PXDNL: variants seen among roughly 807,000 people sequenced by gnomAD.
PXDNL encodes peroxidasin like, also known as probable oxidoreductase PXDNL.
Under a neutral mutation model 150.8 loss-of-function variants are expected in PXDNL, and 145 were observed. The observed-to-expected ratio is 0.96, with a 90% CI of 0.84 to 1.10. PXDNL has a LOEUF of 1.10. PXDNL is among the 50% of genes least tolerant of loss of function. The pLI, the probability that PXDNL is intolerant of heterozygous loss-of-function variation, is 0.00. For synonymous variants in PXDNL, 757 were observed against 725.7 expected, an observed-to-expected ratio of 1.04 and a Z score of -0.69; for missense variants, 2,087 against 1,873.9, an observed-to-expected ratio of 1.11 and a Z score of -2.10.
At chr8:51,639,455 G>C (rs1814690324) in intron 2 of PXDNL, among the ~76,000 whole-genome samples, 1 of 151,980 alleles carries the variant, frequency 6.6e-6, no homozygotes, top group Non-Finnish European at 1.5e-5. Flanking sequence ...TAGACCACTA[G>C]CAAGACTAAT....
intron 2 of PXDNL, among the ~76,000 whole-genome samples, chr8:51,618,518 GC>G (rs1467411811): frequency 6.6e-6 from 1 of 152,174 alleles, no homozygotes; most frequent in African/African-American, 2.4e-5. Context: ...TCATGTTTTA[GC>G]TCTCCTTTCT....
chr8:51,541,764 C>A (rs1812221597), intron 4 of PXDNL, among the ~76,000 whole-genome samples: 1 of 152,140 alleles, frequency 6.6e-6, no homozygotes, highest in African/African-American at 2.4e-5. Context: ...AGCATGGAAA[C>A]CACCTCTGGA....
At chr8:51,542,801 C>T (rs1246552271) in intron 4 of PXDNL, among the ~76,000 whole-genome samples, 1 of 149,850 alleles carries the variant, frequency 6.7e-6, no homozygotes, top group African/African-American at 2.5e-5. Context: ...CAAAGCGAGA[C>T]TCCATCTCAA....
At chr8:51,744,998 G>GA (rs373714634) in intron 1 of PXDNL, among the ~76,000 whole-genome samples, 17 of 6,014 alleles carry the variant, frequency 2.8e-3, no homozygotes, top group African/African-American at 5.5e-3. Flanking sequence ...GAAAGGGAGG[G>GA]AGGGAAGAAA....
At chr8:51,806,252 A>C (rs1477947582) in intron 1 of PXDNL, among the ~76,000 whole-genome samples, 1 of 152,180 alleles carries the variant, frequency 6.6e-6, no homozygotes, top group Non-Finnish European at 1.5e-5. Context: ...AAATGGAAAA[A>C]ATTAAGGAAA....
At chr8:51,415,940 C>T (rs778685002) in intron 14 of PXDNL, among the ~76,000 whole-genome samples, 1 of 152,064 alleles carries the variant, frequency 6.6e-6, no homozygotes, top group African/African-American at 2.4e-5. Context: ...CATTAGTCTG[C>T]TTATGTGTTC....
intron 1 of PXDNL, among the ~76,000 whole-genome samples, chr8:51,742,746 C>T (rs924939045): frequency 9.2e-5 from 14 of 152,002 alleles, no homozygotes; most frequent in African/African-American, 3.4e-4. Context: ...TAACAAATTT[C>T]ATGGACAGTG....
intron 17 of PXDNL, among the ~76,000 whole-genome samples, chr8:51,376,105 CATA>C (rs1807299521): frequency 6.6e-6 from 1 of 152,214 alleles, no homozygotes; most frequent in South Asian, 2.1e-4. Context: ...TTCATATTCC[CATA>C]ATGAGTACAC....
intron 17 of PXDNL, among the ~76,000 whole-genome samples, chr8:51,406,299 A>C (rs1365004342): frequency 6.6e-6 from 1 of 152,230 alleles, no homozygotes; most frequent in South Asian, 2.1e-4. Flanking sequence ...ATAGGATTGC[A>C]TACATGGCCA....
chr8:51,669,586 G>A (rs575534292), intron 1 of PXDNL, among the ~76,000 whole-genome samples: 372 of 152,290 alleles, frequency 2.4e-3, no homozygotes, highest in African/African-American at 8.6e-3. Context: ...CATATGGGCT[G>A]TAGATTGGCA....
At chr8:51,413,301 TG>T in intron 14 of PXDNL, 43 bp from the exon 15 acceptor site, 2 of 1,211,540 alleles carry the variant, frequency 1.7e-6, no homozygotes. Context: ...AAACAGACCT[TG>T]AAGTTAGGCA....
intron 1 of PXDNL, among the ~76,000 whole-genome samples, chr8:51,655,388 A>G (rs1407750279): frequency 6.6e-6 from 1 of 152,192 alleles, no homozygotes; most frequent in Non-Finnish European, 1.5e-5. Flanking sequence ...GGATGCAAAG[A>G]TAAGCAAGAT....
At chr8:51,605,954 C>T (rs963699923) in intron 2 of PXDNL, among the ~76,000 whole-genome samples, 2 of 152,206 alleles carry the variant, frequency 1.3e-5, no homozygotes, top group Admixed American at 1.3e-4. Flanking sequence ...CAAGAAAGCC[C>T]TCACGAGATG....
chr8:51,613,670 T>C (rs1212107014), intron 2 of PXDNL, among the ~76,000 whole-genome samples: 1 of 152,156 alleles, frequency 6.6e-6, no homozygotes, highest in African/African-American at 2.4e-5. Context: ...TGCCACTTCC[T>C]CAGGTTGTCT....
chr8:51,411,266 C>G lies in PXDNL; in HGVS notation c.2046G>C (p.Val682=). 6.7e-7 allele frequency: 1 copy of G among 1,489,260 alleles called. No homozygotes were observed. The highest frequency in any genetic ancestry group is 8.9e-7 in the Non-Finnish European group (1 of 1,120,682). The allele number at this position is 1,489,260 out of a possible 1,614,324, so 92.3% of individuals were successfully genotyped here. The stretch of plus-strand genomic sequence containing the variant: ...GTGGCTGACCTTTGCCTTCCAAGTC[C>G]ACAGTGAGCCCCTGCTTCACACGTT... ...IRERVKQGLT[V]DLEGKEFRYN... Residue 682 remains valine, a synonymous_variant, in exon 16 of 23, where the codon GTG becomes GTC. Coordinates refer to ENST00000356297, the MANE Select transcript of PXDNL (RefSeq NM_144651.5).
In PXDNL at chr8:51,608,072, AGC is replaced by A. The variant is rs1470665679; in HGVS notation, c.237-15376_237-15375del. Among the ~76,000 whole-genome samples the A allele has an allele frequency of 1.4e-5, 2 of 144,238 alleles. 1 individual carries two copies. The highest frequency in any genetic ancestry group is 5.5e-5 in the African/African-American group (2 of 36,448). 94.6% of individuals were successfully genotyped at this position (144,238 alleles called of 152,430 possible). On this transcript the variant is annotated intron_variant, in intron 2 of 22. Coordinates refer to ENST00000356297, the MANE Select transcript of PXDNL (RefSeq NM_144651.5). ...AAGAAAGAAAGCAAGCAAGCAAGCA[AGC>A]AAGCAAGCAAGCAAGCAAGCAAGCA...
chr8:51,590,962 T>C (rs1369976335), intron 3 of PXDNL, among the ~76,000 whole-genome samples: 1 of 152,206 alleles, frequency 6.6e-6, no homozygotes, highest in Non-Finnish European at 1.5e-5. Context: ...AAATGTTTGT[T>C]TCCTCTAAAA....
intron 17 of PXDNL, among the ~76,000 whole-genome samples, chr8:51,393,591 C>T (rs1341427081): frequency 1.3e-5 from 2 of 152,226 alleles, no homozygotes; most frequent in Admixed American, 1.3e-4. Context: ...TCAAAGATGT[C>T]CATGGCCTAA....
chr8:51,510,851 G>C (rs1811400427), intron 4 of PXDNL, among the ~76,000 whole-genome samples: 1 of 152,192 alleles, frequency 6.6e-6, no homozygotes, highest in Non-Finnish European at 1.5e-5. Context: ...TGAACACTGA[G>C]ATATGTAGGG....
Sources: allele counts gnomAD v4.1 joint callset (sites outside exome capture counted in the v4.1 genomes callset), GRCh38; gene constraint gnomAD v4.1.1; transcripts MANE v1.5; gene names NCBI Gene and HGNC (gene_info 2026-07-23, HGNC 2026-07-21).